ARHGEF28: variants seen among roughly 807,000 people sequenced by gnomAD.
ARHGEF28 encodes the protein Rho guanine nucleotide exchange factor 28, also known as 190 kDa guanine nucleotide exchange factor.
A neutral mutation model predicts 206.6 loss-of-function variants in ARHGEF28; 152 were observed. The ratio of observed to expected loss-of-function variants is 0.74; its 90% CI spans 0.64 to 0.84. The LOEUF is 0.84. ARHGEF28 is among the 40% of genes least tolerant of loss of function. The pLI is 0.00. For missense variants in ARHGEF28, 2,028 were observed against 2,073.2 expected (o/e 0.98, Z 0.42); for synonymous variants, 763 against 776.4 (o/e 0.98, Z 0.29).
intron 2 of ARHGEF28, among the ~76,000 whole-genome samples, chr5:73,692,206 C>T (rs904648665): frequency 6.6e-6 from 1 of 152,120 alleles, no homozygotes; most frequent in Non-Finnish European, 1.5e-5. Context: ...CTAATATGAG[C>T]ATCTATTAGT....
At chr5:73,872,894 C>CT (rs996477075) in intron 21 of ARHGEF28, 105 bp from the exon 22 acceptor site, 1 of 1,263,382 alleles carries the variant, frequency 7.9e-7, no homozygotes, top group African/African-American at 1.5e-5. Context: ...CTAAACATTT[C>CT]TTTTTTATTT....
intron 4 of ARHGEF28, among the ~76,000 whole-genome samples, chr5:73,759,344 T>C (rs555081702): frequency 1.3e-5 from 2 of 152,196 alleles, no homozygotes; most frequent in South Asian, 4.1e-4. Context: ...AAAGGAAATA[T>C]AGAAAACCTT....
At chr5:73,710,855 A>G (rs1447306459) in intron 2 of ARHGEF28, among the ~76,000 whole-genome samples, 2 of 151,936 alleles carry the variant, frequency 1.3e-5, no homozygotes, top group African/African-American at 4.8e-5. Flanking sequence ...GGTGTGTACC[A>G]CCCATGCCTG....
rs1339295470 is a variant in ARHGEF28 at position 73,874,615 on chromosome 5, G to A, written c.2814+1369G>A. On this transcript the variant is annotated intron_variant, in intron 22 of 35. Transcript: ENST00000513042. ...CCCAGAGTGTGATGATCCCCTTCCA[G>A]TGTCCATGTGTTCTTATTGTTCAAT... 1.1e-4 allele frequency among the ~76,000 whole-genome samples: 14 copies of A among 129,918 alleles called. No individual in the cohort carries two copies. In the Admixed American group the frequency reaches 1.2e-3, roughly 11 times the overall value. 85.2% of individuals were successfully genotyped at this position (129,918 alleles called of 152,430 possible).
chr5:73,806,810 G>A (rs1217969124), intron 9 of ARHGEF28, among the ~76,000 whole-genome samples: 1 of 128,156 alleles, frequency 7.8e-6, no homozygotes, highest in African/African-American at 3.1e-5. Context: ...ACATCTATAT[G>A]TGCCATATAT....
intron 9 of ARHGEF28, among the ~76,000 whole-genome samples, chr5:73,829,542 G>A (rs1443803751): frequency 2.0e-5 from 3 of 151,986 alleles, no homozygotes; most frequent in Admixed American, 6.5e-5. Context: ...ACCATGCCCG[G>A]CTAATTTTTT....
chr5:73,938,559 G>A (rs1313423554), intron 35 of ARHGEF28, among the ~76,000 whole-genome samples: 2 of 152,152 alleles, frequency 1.3e-5, no homozygotes, highest in Non-Finnish European at 2.9e-5. Context: ...TGGTAAGGAG[G>A]CAGGACTGTT....
intron 4 of ARHGEF28, among the ~76,000 whole-genome samples, chr5:73,759,191 G>C (rs1752474078): frequency 6.6e-6 from 1 of 152,120 alleles, no homozygotes. Context: ...CAGATTAAGA[G>C]TACACTCCTT....
intron 16 of ARHGEF28, among the ~76,000 whole-genome samples, chr5:73,861,430 G>A (rs1253384449): frequency 2.6e-5 from 4 of 152,154 alleles, no homozygotes; most frequent in Non-Finnish European, 5.9e-5. Context: ...TTTTAATGGA[G>A]TTCCTTATAA....
At chr5:73,901,716 C>G (rs891765359) in intron 31 of ARHGEF28, 1 of 153,360 alleles carries the variant, frequency 6.5e-6, no homozygotes. Flanking sequence ...TGACCCTCCT[C>G]TCCTTGCAGA....
Position 73,881,134 on chromosome 5 carries a change from TC to T in ARHGEF28, c.2815-1337del, listed in dbSNP as rs1451179027. ...ATTGCTTTTGCATTTTTGTCAAAAA[TC>T]ATGTGGGCATCTGGGTTACCATTTT... On this transcript the variant is annotated intron_variant, in intron 22 of 35. Transcript: ENST00000513042. 7.2e-5 allele frequency among the ~76,000 whole-genome samples: 11 copies of T among 152,158 alleles called. No individual in the cohort carries two copies. In the South Asian group the frequency reaches 1.9e-3, roughly 26 times the overall value.
At chr5:73,833,557 C>G (rs200121722) in intron 10 of ARHGEF28, among the ~76,000 whole-genome samples, 1 of 152,104 alleles carries the variant, frequency 6.6e-6, no homozygotes, top group East Asian at 1.9e-4. Flanking sequence ...AACTGAAGGT[C>G]AGTCCTAGTT....
intron 2 of ARHGEF28, among the ~76,000 whole-genome samples, chr5:73,687,511 A>G (rs1747545815): frequency 6.6e-6 from 1 of 152,078 alleles, no homozygotes; most frequent in African/African-American, 2.4e-5. Context: ...AGAGGTCATT[A>G]GAGATATGTC....
rs1435484602 is a variant in ARHGEF28, at chr5:73,684,898, C to T, written c.33+14C>T. 6.2e-7 allele frequency: 1 copy of T among 1,611,438 alleles called. No individual in the cohort carries two copies. The highest frequency in any genetic ancestry group is 8.5e-7 in the Non-Finnish European group (1 of 1,178,586). ...GCACCTCTTTACGTAAGTTGCTAAG[C>T]ACGGGGCTTCAGGTCCAAGGGGCCC... On this transcript the variant is annotated intron_variant, in intron 2 of 35. Transcript: ENST00000513042.
At position 73,860,437 on chromosome 5, in the gene ARHGEF28, C is replaced by T. The variant is rs191521520; in HGVS notation, c.2047+2218C>T. On this transcript the variant is annotated intron_variant, in intron 16 of 35. Coordinates refer to ENST00000513042, the MANE Select transcript of ARHGEF28 (RefSeq NM_001177693.2). ...GGGAATCATCACTCAGAGATTTCAT[C>T]GTCTTCGAAACCCAGTGTGTCTAAA... Among the ~76,000 whole-genome samples, 216 of 152,222 alleles carry T rather than the reference C, an allele frequency of 1.4e-3. 1 individual carries two copies. Among genetic ancestry groups the T allele is most frequent in the Middle Eastern group, 3.4e-3 (1 of 294 alleles).
At chr5:73,638,382 G>T (rs914588657) in intron 1 of ARHGEF28, among the ~76,000 whole-genome samples, 4 of 152,148 alleles carry the variant, frequency 2.6e-5, no homozygotes, top group Non-Finnish European at 5.9e-5. Context: ...CTTGAGAATT[G>T]AAACAATTTT....
intron 18 of ARHGEF28, among the ~76,000 whole-genome samples, chr5:73,867,013 C>T (rs1759748115): frequency 6.6e-6 from 1 of 152,200 alleles, no homozygotes; most frequent in African/African-American, 2.4e-5. Flanking sequence ...TCACATCACT[C>T]TCTTGCCTTG....
chr5:73,876,214 C>A (rs1160260577), intron 22 of ARHGEF28, among the ~76,000 whole-genome samples: 5 of 136,900 alleles, frequency 3.7e-5, no homozygotes, highest in East Asian at 2.0e-4. Flanking sequence ...TGATTTGGCT[C>A]TCTGTTTGTC....
At chr5:73,790,140 G>A (rs886477345) in intron 7 of ARHGEF28, among the ~76,000 whole-genome samples, 1 of 151,816 alleles carries the variant, frequency 6.6e-6, no homozygotes, top group Non-Finnish European at 1.5e-5. Context: ...CAGACAAAAA[G>A]AGCAATGGAA....
Sources: allele counts gnomAD v4.1 joint callset (sites outside exome capture counted in the v4.1 genomes callset), GRCh38; gene constraint gnomAD v4.1.1; transcripts MANE v1.5; gene names NCBI Gene and HGNC (gene_info 2026-07-23, HGNC 2026-07-21).